Variants in SENP3 observed in about 807,000 individuals in gnomAD.
The protein encoded by SENP3 is SUMO specific peptidase 3.
In SENP3, 11 loss-of-function variants were observed where a neutral mutation model predicts 66.2. The observed-to-expected ratio is 0.17, with a 90% CI of 0.10 to 0.28. The LOEUF is 0.28. Ranked by LOEUF, SENP3 falls within the 10% of genes least tolerant of loss-of-function variation. The pLI, the probability that SENP3 is intolerant of heterozygous loss-of-function variation, is 1.00. For missense variants in SENP3, 548 were observed against 743.7 expected, an observed-to-expected ratio of 0.74 and a Z score of 3.06; for synonymous variants, 292 against 277.6, an observed-to-expected ratio of 1.05 and a Z score of -0.52.
In SENP3 at chr17:7,564,763, T is replaced by C. The variant is rs766538023; in HGVS notation, c.854T>C (p.Phe285Ser). The C allele has an allele frequency of 1.2e-6, 2 of 1,614,018 alleles. No homozygotes were observed. The highest frequency in any genetic ancestry group is 1.7e-5 in the Admixed American group (1 of 60,022). ...SIGDHVAQEL[F>S]QGSDLGMAEE... ...GGGGACCATGTGGCCCAGGAGCTTT[T>C]TCAGGGCTCAGATTTGGGCATGGCA... Residue 285 changes from phenylalanine to serine, a missense_variant, in exon 3 of 11, where the codon TTT becomes TCT. Phe to Ser is a radical substitution (Grantham distance 155). This residue lies in a region of SENP3 where 215 missense variants were observed against 230.7 expected (regional missense o/e 0.93). Coordinates refer to ENST00000321337, the MANE Select transcript of SENP3 (RefSeq NM_015670.6).
At position 7,570,242 on chromosome 17, in the gene SENP3, CTTCTG is replaced by C. The variant is rs2071302156; in HGVS notation, c.1342-109_1342-105del. 1 of 1,329,744 alleles carries C rather than the reference CTTCTG, an allele frequency of 7.5e-7. No homozygotes were observed. The highest frequency in any genetic ancestry group is 1.5e-5 in the African/African-American group (1 of 68,296). 82.4% of individuals were successfully genotyped at this position (1,329,744 alleles called of 1,614,324 possible). On this transcript the variant is annotated intron_variant, in intron 7 of 10. Transcript: ENST00000321337. The surrounding 1 kb of genome is among the most constrained non-coding windows in gnomAD (Gnocchi z 5.4). Reference sequence around the variant, plus strand: ...CTTGCCCACAATCTAGGCCTTGGGTCTTCTGTTCTTTCACTTGGTTCCCTTACCTG... The same window carrying C: ...CTTGCCCACAATCTAGGCCTTGGGTCTTCTTTCACTTGGTTCCCTTACCTG...
At chr17:7,569,097 G>T (rs1015816927) in intron 7 of SENP3, among the ~76,000 whole-genome samples, 6 of 152,116 alleles carry the variant, frequency 3.9e-5, no homozygotes, top group Non-Finnish European at 8.8e-5. Context: ...AAGAAGATTT[G>T]TTTTTTTGCC....
At position 7,563,099 on chromosome 17, in the gene SENP3, C is replaced by A. The variant is rs532180084; in HGVS notation, c.23C>A (p.Thr8Asn). The change falls in exon 2 of 11, where the codon ACC becomes AAC. Residue 8 changes from threonine (T) to asparagine (N), a missense_variant. Around this residue, in one of 6 missense-constraint regions of SENP3, gnomAD observed 164 missense variants for 167.9 expected, o/e 0.98. Transcript: ENST00000321337. MKETIQG[T>N]GSWGPEPPGP... ...AAGATGAAAGAGACTATACAAGGGACCGGGTCCTGGGGGCCTGAGCCTCCT... is the reference window on the plus strand; with the variant it reads ...AAGATGAAAGAGACTATACAAGGGAACGGGTCCTGGGGGCCTGAGCCTCCT... 2 of 1,515,604 alleles carry A rather than the reference C, an allele frequency of 1.3e-6. No individual in the cohort carries two copies. Among genetic ancestry groups the A allele is most frequent in the Non-Finnish European group, 1.8e-6 (2 of 1,134,220 alleles). The allele number at this position is 1,515,604 out of a possible 1,614,324, so 93.9% of individuals were successfully genotyped here. A position where few individuals can be genotyped will look rare whatever the true frequency, so the allele number is the denominator to read the frequency against.
At position 7,570,812 on chromosome 17, in the gene SENP3, A is replaced by G. The variant is rs1239192686; in HGVS notation, c.1563+48A>G. The G allele has an allele frequency of 5.0e-6, 8 of 1,602,144 alleles. No homozygotes were observed. In the Admixed American group the frequency reaches 6.9e-5, roughly 14 times the overall value. ...ATAGGGTGTTGGTGGGGACAGTGGT[A>G]GAAGGCAGAAATTGAAGTCCTACCC... On this transcript the variant is annotated intron_variant, in intron 9 of 10. Transcript: ENST00000321337. The surrounding 1 kb of genome is among the most constrained non-coding windows in gnomAD (Gnocchi z 5.4).
In SENP3 at chr17:7,563,628, T is replaced by C. The variant is rs1363833911; in HGVS notation, c.552T>C (p.Cys184=). Reference sequence around the variant, plus strand: ...CGCCACAGGTGCCATCCCCCTGTTGTCGTTTTGACTCCCCCCGGGGGCCAC... The same window carrying C: ...CGCCACAGGTGCCATCCCCCTGTTGCCGTTTTGACTCCCCCCGGGGGCCAC... ...GATPQVPSPC[C]RFDSPRGPPP... The change falls in exon 2 of 11, where the codon TGT becomes TGC. Residue 184 remains cysteine (C), a synonymous_variant. Transcript: ENST00000321337. The C allele has an allele frequency of 6.2e-7, 1 of 1,602,462 alleles. No individual in the cohort carries two copies.
chr17:7,565,264 C>A, intron 4 of SENP3, 176 bp from the exon 5 acceptor site: 1 of 838,334 alleles, frequency 1.2e-6, no homozygotes, highest in Non-Finnish European at 1.9e-6. Context: ...AAATGTTCTA[C>A]CTGAGTAGTC....
chr17:7,570,991 G>C lies in SENP3; in HGVS notation c.1614+58G>C. ...CTGAAGTCAGTTGGGTTAAAGGGTC[G>C]GGAGGCTGTTATGCATCCCCTCATT... is the stretch of plus-strand genomic sequence containing the variant. On this transcript the variant is annotated intron_variant, in intron 10 of 10. Transcript: ENST00000321337. The surrounding 1 kb of genome is among the most constrained non-coding windows in gnomAD (Gnocchi z 5.4). The C allele has an allele frequency of 6.6e-7, 1 of 1,505,144 alleles. No homozygotes were observed. Among genetic ancestry groups the C allele is most frequent in the Non-Finnish European group, 9.1e-7 (1 of 1,094,624 alleles). The allele number at this position is 1,505,144 out of a possible 1,614,324, so 93.2% of individuals were successfully genotyped here.
At position 7,563,446 on chromosome 17, in the gene SENP3, C is replaced by T. The variant is rs1567728039; in HGVS notation, c.370C>T (p.Gln124Ter). ...CCCCACTCATCGAAAAACCTGCTCA[C>T]AGCGCCGCCGCCGAGCCATGAGAGC... ...SRPTHRKTCS[Q>*]RRRRAMRAFR... The change falls in exon 2 of 11, where the codon CAG becomes TAG. Residue 124 changes from glutamine to a stop codon, truncating the protein, a stop_gained. Coordinates refer to ENST00000321337, the MANE Select transcript of SENP3 (RefSeq NM_015670.6). LOFTEE classifies it high-confidence loss of function. 1 of 1,450,142 alleles carries T rather than the reference C, an allele frequency of 6.9e-7. No homozygotes were observed. Among genetic ancestry groups the T allele is most frequent in the African/African-American group, 1.4e-5 (1 of 69,728 alleles). The allele number at this position is 1,450,142 out of a possible 1,614,324, so 89.8% of individuals were successfully genotyped here. A position where few individuals can be genotyped will look rare whatever the true frequency, so the allele number is the denominator to read the frequency against.
At chr17:7,571,182 T>G (rs1258241705) in intron 10 of SENP3, among the ~76,000 whole-genome samples, 191 bp from the exon 11 acceptor site, 1 of 152,172 alleles carries the variant, frequency 6.6e-6, no homozygotes, top group Non-Finnish European at 1.5e-5. Context: ...CTCAGTGTAT[T>G]TTCTCCATCT....
At position 7,563,130 on chromosome 17, in the gene SENP3, C is replaced by T. The variant is rs547155744; in HGVS notation, c.54C>T (p.Pro18=). 2.6e-5 allele frequency: 40 copies of T among 1,529,608 alleles called. 2 individuals are homozygous for T. The South Asian group carries it at 4.8e-4, about 18-fold the overall frequency. The allele number at this position is 1,529,608 out of a possible 1,614,324, so 94.8% of individuals were successfully genotyped here. Residue 18 remains proline (P), a synonymous_variant, in exon 2 of 11, where the codon CCC becomes CCT. Coordinates refer to ENST00000321337, the MANE Select transcript of SENP3 (RefSeq NM_015670.6). ...CCTGGGGGCCTGAGCCTCCTGGACC[C>T]GGCATACCCCCAGCTTACTCAAGTC... is the stretch of plus-strand genomic sequence containing the variant. ...TGSWGPEPPG[P]GIPPAYSSPR... is the part of the protein sequence containing the mutation.
chr17:7,564,589 GTC>G, intron 2 of SENP3, 34 bp from the exon 3 acceptor site: 3 of 1,611,774 alleles, frequency 1.9e-6, no homozygotes, highest in Non-Finnish European at 2.5e-6. Context: ...CCCCAGGCCA[GTC>G]TCTCATGCCC....
chr17:7,562,031 CGGAGGT>C lies in SENP3; in HGVS notation c.-228_-223del, dbSNP rs971459535. The C allele has an allele frequency of 4.0e-3, 1,604 of 399,944 alleles. 54 individuals carry two copies. In the East Asian group the frequency reaches 0.054, roughly 13 times the overall value. The allele number at this position is 399,944 out of a possible 1,614,324, so 24.8% of individuals were successfully genotyped here. On this transcript the variant is annotated 5_prime_UTR_variant, in exon 1 of 11. Transcript: ENST00000321337. This position sits in a 1 kb window ranked among gnomAD's most constrained non-coding sequence, Gnocchi z 5.0. ...GCGGTGGCGCTGGTGGCGGCGGTGG[CGGAGGT>C]GGAGGTGGAGGTGGAAGCTGAAGCT...
At position 7,570,661 on chromosome 17, in the gene SENP3, C is replaced by T. The variant is rs1428548821; in HGVS notation, c.1480-20C>T. ...ATTGAGAAACTTAGGGCATCACTTTCTTTTCCCCCATCCACATAGCATATT... is the reference window on the plus strand; with the variant it reads ...ATTGAGAAACTTAGGGCATCACTTTTTTTTCCCCCATCCACATAGCATATT... On this transcript the variant is annotated intron_variant, in intron 8 of 10. Transcript: ENST00000321337. The surrounding 1 kb of genome is among the most constrained non-coding windows in gnomAD (Gnocchi z 5.4). 1.2e-6 allele frequency: 2 copies of T among 1,608,790 alleles called. No individual in the cohort carries two copies. The highest frequency in any genetic ancestry group is 1.7e-6 in the Non-Finnish European group (2 of 1,177,236).
In SENP3 at chr17:7,564,649, A is replaced by G. The variant is rs776789208; in HGVS notation, c.740A>G (p.Asn247Ser). 16 of 1,613,826 alleles carry G rather than the reference A, an allele frequency of 9.9e-6. No homozygotes were observed. The East Asian group carries it at 1.6e-4, about 16-fold the overall frequency. Residue 247 changes from asparagine (N) to serine (S), a missense_variant, in exon 3 of 11, where the codon AAC becomes AGC. By Grantham distance (46) the Asn-to-Ser change is conservative (BLOSUM62 1). Coordinates refer to ENST00000321337, the MANE Select transcript of SENP3 (RefSeq NM_015670.6). ...DSGLLSCTLP[N>S]GFGGQSGPEG... ...GGCCTCCTTTCATGTACTCTGCCCA[A>G]CGGTTTTGGGGGACAATCTGGGCCA...
Position 7,566,669 on chromosome 17 carries a change from TAA to T in SENP3, c.1264-244_1264-243del, listed in dbSNP as rs34349099. On this transcript the variant is annotated intron_variant, in intron 6 of 10. Transcript: ENST00000321337. ...CGACAGAGCAAGGCCCTGCCTCAAATAAAAAAAAAAAAAAAGCCTGGTTTGTT... is the reference window on the plus strand; with the variant it reads ...CGACAGAGCAAGGCCCTGCCTCAAATAAAAAAAAAAAAAGCCTGGTTTGTT... 1.1e-4 allele frequency among the ~76,000 whole-genome samples: 15 copies of T among 135,876 alleles called. No individual in the cohort carries two copies. The East Asian group carries it at 2.3e-3, about 21-fold the overall frequency. 89.1% of individuals were successfully genotyped at this position (135,876 alleles called of 152,430 possible). A position where few individuals can be genotyped will look rare whatever the true frequency, so the allele number is the denominator to read the frequency against.
At position 7,571,504 on chromosome 17, in the gene SENP3, A is replaced by G; in HGVS notation, c.*21A>G. 6.3e-7 allele frequency: 1 copy of G among 1,583,798 alleles called. No homozygotes were observed. The highest frequency in any genetic ancestry group is 8.7e-7 in the Non-Finnish European group (1 of 1,153,198). ...TGTGAGCCTCGTACCCCAGACCCCA[A>G]GCCCATAAATGGGAAGGGAGACATG... On this transcript the variant is annotated 3_prime_UTR_variant, in exon 11 of 11. Transcript: ENST00000321337.
chr17:7,565,245 G>A (rs2071258608), intron 4 of SENP3, 175 bp downstream of exon 4: 5 of 809,212 alleles, frequency 6.2e-6, no homozygotes, highest in South Asian at 3.5e-5. Context: ...GTCTTTACCT[G>A]GGACCCTGAA....
chr17:7,569,186 C>T (rs940138893), intron 7 of SENP3, among the ~76,000 whole-genome samples: 1 of 151,846 alleles, frequency 6.6e-6, no homozygotes, highest in East Asian at 1.9e-4. Flanking sequence ...GAGATCAAGA[C>T]CATCCTGGCT....
At position 7,563,321 on chromosome 17, in the gene SENP3, A is replaced by G; in HGVS notation, c.245A>G (p.Glu82Gly). Reference sequence around the variant, plus strand: ...GCAAGTGAAGAGGAGGAAGAAGAGGAGGAGGAGGAGGATGAAGATGAAGAG... The same window carrying G: ...GCAAGTGAAGAGGAGGAAGAAGAGGGGGAGGAGGAGGATGAAGATGAAGAG... ...ASASEEEEEE[E>G]EEEDEDEEEE... The change falls in exon 2 of 11, where the codon GAG becomes GGG. Residue 82 changes from glutamate (E) to glycine (G), a missense_variant. By Grantham distance (98) the Glu-to-Gly change is moderately conservative. Transcript: ENST00000321337. 1.3e-6 allele frequency: 2 copies of G among 1,552,646 alleles called. No homozygotes were observed. Among genetic ancestry groups the G allele is most frequent in the Non-Finnish European group, 1.7e-6 (2 of 1,147,442 alleles).
Sources: gnomAD v4.1 joint callset for allele counts (sites outside exome capture counted in the v4.1 genomes callset) on GRCh38, gnomAD v4.1.1 for gene constraint, gnomAD v4.1.1 regional missense constraint, Gnocchi (gnomAD v3.1) non-coding constraint, MANE v1.5 for transcripts, NCBI Gene and HGNC (gene_info 2026-07-23, HGNC 2026-07-21) for gene names.